NDC1: variants seen among roughly 807,000 people sequenced by gnomAD.
NDC1 encodes nucleoporin NDC1.
Under a neutral mutation model 89.8 loss-of-function variants are expected in NDC1, and 24 were observed. That is an observed-to-expected ratio of 0.27 (90% CI 0.19 to 0.38). The LOEUF is 0.38. Among genes scored for constraint, NDC1 ranks in the 10% least tolerant of loss-of-function variants. The pLI, the probability that NDC1 is intolerant of heterozygous loss-of-function variation, is 1.00. For synonymous variants in NDC1, 296 were observed against 284.8 expected, an observed-to-expected ratio of 1.04 and a Z score of -0.39; for missense variants, 728 against 797.6, an observed-to-expected ratio of 0.91 and a Z score of 1.05.
At chr1:53,789,273 G>T in intron 14 of NDC1, 77 bp from the exon 15 acceptor site, 1 of 848,686 alleles carries the variant, frequency 1.2e-6, no homozygotes, top group South Asian at 1.7e-5. Flanking sequence ...TAAATATGTA[G>T]ACCACAAAAC....
intron 11 of NDC1, among the ~76,000 whole-genome samples, chr1:53,797,685 A>C (rs1169475986): frequency 6.6e-6 from 1 of 151,978 alleles, no homozygotes; most frequent in Admixed American, 6.6e-5. Flanking sequence ...ATTGGAGTGC[A>C]GTGGTGTAAT....
chr1:53,780,366 G>C (rs188605442), intron 16 of NDC1, among the ~76,000 whole-genome samples: 1 of 152,134 alleles, frequency 6.6e-6, no homozygotes, highest in Non-Finnish European at 1.5e-5. Context: ...GAGCCACCGC[G>C]CCCAGCCTCA....
At chr1:53,836,932 A>G (rs1248052876) in intron 1 of NDC1, among the ~76,000 whole-genome samples, 1 of 152,254 alleles carries the variant, frequency 6.6e-6, no homozygotes, top group Non-Finnish European at 1.5e-5. Flanking sequence ...ATAAGCAACA[A>G]AAGAAAAATA....
At chr1:53,833,243 A>G (rs951084241) in intron 2 of NDC1, among the ~76,000 whole-genome samples, 2 of 151,880 alleles carry the variant, frequency 1.3e-5, no homozygotes, top group Non-Finnish European at 2.9e-5. Context: ...GCTCACTGCA[A>G]TCCGCCTCCT....
rs1647078482 is a variant in NDC1 at position 53,767,790 on chromosome 1, T to C, written c.*180A>G. On this transcript the variant is annotated 3_prime_UTR_variant, in exon 18 of 18. Coordinates refer to ENST00000371429, the MANE Select transcript of NDC1 (RefSeq NM_018087.5). ...TCGGTACAGAAAAGGCAGTTTTCAG[T>C]TATTCTGTTGAGAATTTCTTTCCAT... The C allele has an allele frequency of 9.1e-6, 4 of 439,414 alleles. No homozygotes were observed. The highest frequency in any genetic ancestry group is 1.2e-5 in the Non-Finnish European group (3 of 245,902). 27.2% of individuals were successfully genotyped at this position (439,414 alleles called of 1,614,324 possible).
chr1:53,800,927 G>A, intron 10 of NDC1, 79 bp from the exon 11 acceptor site: 2 of 1,369,800 alleles, frequency 1.5e-6, no homozygotes, highest in Non-Finnish European at 2.0e-6. Context: ...AAGTCAGTAA[G>A]AAATTCTACA....
intron 11 of NDC1, among the ~76,000 whole-genome samples, chr1:53,799,638 A>G (rs6659751): frequency 1.0e-3 from 156 of 152,286 alleles, no homozygotes; most frequent in African/African-American, 3.7e-3. Context: ...AAAGACCGGA[A>G]GTTCACATAT....
At chr1:53,779,070 C>T (rs1329082404) in intron 16 of NDC1, among the ~76,000 whole-genome samples, 3 of 132,624 alleles carry the variant, frequency 2.3e-5, no homozygotes, top group East Asian at 2.2e-4. Context: ...TTAAGCCCAG[C>T]GTGTGAAGTT....
rs1648160305 is a variant in NDC1, at chr1:53,807,727, A to C, written c.820T>G (p.Trp274Gly). 1 of 1,613,838 alleles carries C rather than the reference A, an allele frequency of 6.2e-7. No individual in the cohort carries two copies. The highest frequency in any genetic ancestry group is 1.3e-5 in the African/African-American group (1 of 74,944). Reference sequence around the variant, plus strand: ...GTCAGGAGAAAGACACCACACAGCCAGACATGGTAGAGTAACGAGAGATTT... The same window carrying C: ...GTCAGGAGAAAGACACCACACAGCCCGACATGGTAGAGTAACGAGAGATTT... ...LLNLSLLYHV[W>G]LCGVFLLTTW... is the part of the protein sequence containing the mutation. Residue 274 changes from tryptophan (W) to glycine (G), a missense_variant, in exon 8 of 18, where the codon TGG becomes GGG. Coordinates refer to ENST00000371429, the MANE Select transcript of NDC1 (RefSeq NM_018087.5).
At position 53,779,612 on chromosome 1, in the gene NDC1, G is replaced by A. The variant is rs561091098; in HGVS notation, c.1801-7123C>T. On this transcript the variant is annotated intron_variant, in intron 16 of 17. Transcript: ENST00000371429. ...TCTCCCAAAGGTAATCTAAAAGGGTGGCCTGCGAAGGACTTGGGGTCCAAA... is the reference window on the plus strand; with the variant it reads ...TCTCCCAAAGGTAATCTAAAAGGGTAGCCTGCGAAGGACTTGGGGTCCAAA... Among the ~76,000 whole-genome samples the A allele has an allele frequency of 1.2e-3, 184 of 152,198 alleles. 1 individual carries two copies. Among genetic ancestry groups the A allele is most frequent in the African/African-American group, 4.3e-3 (177 of 41,522 alleles).
chr1:53,791,127 C>G (rs961161104), intron 14 of NDC1, among the ~76,000 whole-genome samples: 6 of 152,126 alleles, frequency 3.9e-5, no homozygotes, highest in African/African-American at 1.4e-4. Context: ...TAAGTAAGAA[C>G]GTGCAATATT....
chr1:53,832,526 T>G lies in NDC1; in HGVS notation c.244A>C (p.Ile82Leu). 1.9e-6 allele frequency: 3 copies of G among 1,599,632 alleles called. No homozygotes were observed. The highest frequency in any genetic ancestry group is 1.7e-5 in the Admixed American group (1 of 59,964). Residue 82 changes from isoleucine to leucine, a missense_variant, in exon 3 of 18, where the codon ATA becomes CTA. Coordinates refer to ENST00000371429, the MANE Select transcript of NDC1 (RefSeq NM_018087.5). ...TCCACATTGAAAATACTTATTATTA[T>G]TATTACCACTGACAGCAGCAGGAAG... ...FYFLLLSVVI[I>L]IISIFNVEFY...
At chr1:53,787,419 C>T (rs1355104459) in intron 15 of NDC1, among the ~76,000 whole-genome samples, 161 bp from the exon 16 acceptor site, 1 of 152,042 alleles carries the variant, frequency 6.6e-6, no homozygotes, top group East Asian at 1.9e-4. Flanking sequence ...GAGGCTGAGG[C>T]AGGCAGATCG....
Position 53,768,001 on chromosome 1 carries a change from C to G in NDC1, c.1994G>C (p.Arg665Thr), listed in dbSNP as rs371861925. 1 of 1,609,278 alleles carries G rather than the reference C, an allele frequency of 6.2e-7. No homozygotes were observed. The highest frequency in any genetic ancestry group is 2.2e-5 in the East Asian group (1 of 44,722). The change falls in exon 18 of 18, where the codon AGA becomes ACA. Residue 665 changes from arginine (R) to threonine (T), a missense_variant. By Grantham distance (71) the Arg-to-Thr change is moderately conservative (BLOSUM62 -1). Transcript: ENST00000371429. ...TTTGAACTCCAAGAACTGTTGAAGT[C>G]TTTTCTGATGTTCTGCAGATGCTTG... ...AVQASAEHQK[R>T]LQQFLEFKE is the part of the protein sequence containing the mutation.
chr1:53,834,657 G>T (rs1348314813), intron 2 of NDC1, among the ~76,000 whole-genome samples: 1 of 152,136 alleles, frequency 6.6e-6, no homozygotes, highest in Non-Finnish European at 1.5e-5. Context: ...TTATAAAGTA[G>T]AAAGTACCTC....
At chr1:53,783,543 G>C (rs561448216) in intron 16 of NDC1, among the ~76,000 whole-genome samples, 1 of 152,186 alleles carries the variant, frequency 6.6e-6, no homozygotes, top group Non-Finnish European at 1.5e-5. Flanking sequence ...CAACTCCCCT[G>C]TTTCTAAGTA....
rs547228075 is a variant in NDC1 at position 53,803,879 on chromosome 1, T to C, written c.1066+49A>G. 6.3e-6 allele frequency: 9 copies of C among 1,421,986 alleles called. No homozygotes were observed. In the East Asian group the frequency reaches 1.8e-4, roughly 29 times the overall value. 88.1% of individuals were successfully genotyped at this position (1,421,986 alleles called of 1,614,324 possible). A position where few individuals can be genotyped will look rare whatever the true frequency, so the allele number is the denominator to read the frequency against. Reference sequence around the variant, plus strand: ...AGCCACCATGCCTGGCCAAGTGAATTACTTTCTACACACATATGCCTAATC... The same window carrying C: ...AGCCACCATGCCTGGCCAAGTGAATCACTTTCTACACACATATGCCTAATC... On this transcript the variant is annotated intron_variant, in intron 10 of 17. Coordinates refer to ENST00000371429, the MANE Select transcript of NDC1 (RefSeq NM_018087.5).
At chr1:53,832,642 C>G in intron 2 of NDC1, 51 bp from the exon 3 acceptor site, 1 of 885,476 alleles carries the variant, frequency 1.1e-6, no homozygotes, top group Non-Finnish European at 1.8e-6. Context: ...CATGTAGTCA[C>G]GTTCAGGACA....
intron 1 of NDC1, among the ~76,000 whole-genome samples, chr1:53,836,274 CG>C (rs1414493448): frequency 6.6e-6 from 1 of 151,974 alleles, no homozygotes; most frequent in Admixed American, 6.6e-5. Flanking sequence ...TGAGGCCGGG[CG>C]TGGTGGCTCA....
Sources: gnomAD v4.1 joint callset for allele counts (sites outside exome capture counted in the v4.1 genomes callset) on GRCh38, gnomAD v4.1.1 for gene constraint, MANE v1.5 for transcripts, NCBI Gene and HGNC (gene_info 2026-07-23, HGNC 2026-07-21) for gene names.